CUX2: variants seen among roughly 807,000 people sequenced by gnomAD.
CUX2 encodes homeobox protein cut-like 2.
Under a neutral mutation model 144.8 loss-of-function variants are expected in CUX2, and 40 were observed. That is an observed-to-expected ratio of 0.28 (90% CI 0.21 to 0.36). The LOEUF is 0.36. Ranked by LOEUF, CUX2 falls within the 10% of genes least tolerant of loss-of-function variation. The probability of loss-of-function intolerance (pLI) is 1.00; values close to 1 mark genes in which losing one functional copy is unlikely to be tolerated. For missense variants in CUX2, 1,615 were observed against 1,994.0 expected (o/e 0.81, Z 3.62); for synonymous variants, 827 against 875.6 (o/e 0.94, Z 0.98).
At chr12:111,046,497 A>T (rs1870000615) in intron 1 of CUX2, among the ~76,000 whole-genome samples, 1 of 152,090 alleles carries the variant, frequency 6.6e-6, no homozygotes, top group Non-Finnish European at 1.5e-5. Flanking sequence ...CCCAGCCTGG[A>T]CTTGAACCCA....
Position 111,293,705 on chromosome 12 carries a change from G to A in CUX2, c.560+136G>A, listed in dbSNP as rs892817797. On this transcript the variant is annotated intron_variant, in intron 6 of 21. Coordinates refer to ENST00000261726, the MANE Select transcript of CUX2 (RefSeq NM_015267.4). This position sits in a 1 kb window ranked among gnomAD's most constrained non-coding sequence, Gnocchi z 4.5. The stretch of plus-strand genomic sequence containing the variant: ...CTGGAGACCGAGATGAGAAAGGGCC[G>A]AGGGCTTTGGACTCCAACCGGGTCT... 4.0e-5 allele frequency: 51 copies of A among 1,286,014 alleles called. 1 individual carries two copies. The East Asian group carries it at 8.0e-4, about 20-fold the overall frequency. The allele number at this position is 1,286,014 out of a possible 1,614,324, so 79.7% of individuals were successfully genotyped here.
At chr12:111,298,397 T>G in intron 8 of CUX2, 144 bp from the exon 9 acceptor site, 1 of 773,028 alleles carries the variant, frequency 1.3e-6, no homozygotes, top group Non-Finnish European at 2.0e-6. Context: ...AAGCCTAGGC[T>G]CTTTTCTCCC....
At chr12:111,082,776 GCCACAC>G (rs1871972454) in intron 1 of CUX2, among the ~76,000 whole-genome samples, 1 of 152,194 alleles carries the variant, frequency 6.6e-6, no homozygotes, top group Non-Finnish European at 1.5e-5. Flanking sequence ...GGAAGGCATG[GCCACAC>G]CCTGGGGGCC....
chr12:111,164,666 C>G (rs1878012515), intron 1 of CUX2, among the ~76,000 whole-genome samples: 1 of 152,050 alleles, frequency 6.6e-6, no homozygotes, highest in South Asian at 2.1e-4. Flanking sequence ...ATCAGCCCCC[C>G]AAGGTGTTCG....
chr12:111,139,967 A>C (rs1876190046), intron 1 of CUX2, among the ~76,000 whole-genome samples: 1 of 152,102 alleles, frequency 6.6e-6, no homozygotes, highest in Admixed American at 6.5e-5. Flanking sequence ...AGCCCCCATC[A>C]CCTGGTCTGT....
intron 1 of CUX2, among the ~76,000 whole-genome samples, chr12:111,177,769 AG>A (rs1878943272): frequency 6.6e-6 from 1 of 152,208 alleles, no homozygotes; most frequent in South Asian, 2.1e-4. Flanking sequence ...TGGTCATTGA[AG>A]GTTTCTGACC....
Position 111,320,514 on chromosome 12 carries a change from G to A in CUX2, c.2505G>A (p.Glu835=). 1 of 1,574,438 alleles carries A rather than the reference G, an allele frequency of 6.4e-7. No homozygotes were observed. The highest frequency in any genetic ancestry group is 8.6e-7 in the Non-Finnish European group (1 of 1,166,892). Reference sequence around the variant, plus strand: ...GGGACGAGGCCCCTGTGCCCCCCGAGGACGAGGCGGCGGCAGGGGCGGAGG... The same window carrying A: ...GGGACGAGGCCCCTGTGCCCCCCGAAGACGAGGCGGCGGCAGGGGCGGAGG... ...PRGDEAPVPP[E]DEAAAGAEDE... Residue 835 remains glutamate, a synonymous_variant, in exon 17 of 22, where the codon GAG becomes GAA. Coordinates refer to ENST00000261726, the MANE Select transcript of CUX2 (RefSeq NM_015267.4). The surrounding 1 kb of genome is among the most constrained non-coding windows in gnomAD (Gnocchi z 8.1).
At chr12:111,193,712 G>A (rs1880045482) in intron 1 of CUX2, among the ~76,000 whole-genome samples, 1 of 152,192 alleles carries the variant, frequency 6.6e-6, no homozygotes, top group Non-Finnish European at 1.5e-5. Context: ...GGCTGGGCCT[G>A]GGGACCTCTC....
intron 9 of CUX2, among the ~76,000 whole-genome samples, chr12:111,299,083 T>C (rs1326438079): frequency 6.6e-6 from 1 of 151,956 alleles, no homozygotes; most frequent in Non-Finnish European, 1.5e-5. Flanking sequence ...CAGCCCGGAG[T>C]CTTGAGTGCC....
At chr12:111,137,980 T>C (rs1007256185) in intron 1 of CUX2, among the ~76,000 whole-genome samples, 13 of 152,224 alleles carry the variant, frequency 8.5e-5, no homozygotes, top group Non-Finnish European at 1.6e-4. Context: ...GCAAGTGTCT[T>C]AACCTCTCTG....
intron 1 of CUX2, among the ~76,000 whole-genome samples, chr12:111,064,115 C>G (rs536863170): frequency 6.6e-6 from 1 of 152,144 alleles, no homozygotes; most frequent in Non-Finnish European, 1.5e-5. Flanking sequence ...GTTTCTTGTG[C>G]GTGTGCAAAT....
chr12:111,136,588 T>C (rs1050259322), intron 1 of CUX2, among the ~76,000 whole-genome samples: 1 of 152,210 alleles, frequency 6.6e-6, no homozygotes, highest in Non-Finnish European at 1.5e-5. Flanking sequence ...CAGCTCTTGG[T>C]TGGGCACTGT....
At chr12:111,100,140 G>T in intron 1 of CUX2, 1 of 443,278 alleles carries the variant, frequency 2.3e-6, no homozygotes, top group Non-Finnish European at 4.5e-6. Context: ...ACCCGCCGAG[G>T]GTTGAGAGGA....
intron 1 of CUX2, among the ~76,000 whole-genome samples, chr12:111,125,554 T>C (rs755502958): frequency 3.3e-5 from 5 of 152,266 alleles, no homozygotes; most frequent in Non-Finnish European, 5.9e-5. Flanking sequence ...GGTTCATCCA[T>C]GTTGGCACAT....
At chr12:111,285,886 A>G (rs1000824523) in intron 4 of CUX2, among the ~76,000 whole-genome samples, 7 of 152,226 alleles carry the variant, frequency 4.6e-5, no homozygotes, top group Non-Finnish European at 7.4e-5. Context: ...GCACAGTGTG[A>G]GAGGAAGAGG....
intron 1 of CUX2, among the ~76,000 whole-genome samples, chr12:111,046,935 G>A (rs1190306469): frequency 6.6e-6 from 1 of 152,240 alleles, no homozygotes; most frequent in Non-Finnish European, 1.5e-5. Flanking sequence ...GGGATTGCAG[G>A]CGTGAGCCAC....
chr12:111,156,997 A>AAAAAG (rs909813546), intron 1 of CUX2, among the ~76,000 whole-genome samples: 2 of 150,936 alleles, frequency 1.3e-5, no homozygotes, highest in Non-Finnish European at 2.9e-5. Flanking sequence ...AAAAAAAAAA[A>AAAAAG]AAAAAAAAAA....
intron 1 of CUX2, among the ~76,000 whole-genome samples, chr12:111,088,393 C>T (rs1041282565): frequency 3.3e-5 from 5 of 152,072 alleles, no homozygotes; most frequent in African/African-American, 7.2e-5. Flanking sequence ...CACGCCCAGC[C>T]TCTCTGTATT....
At chr12:111,342,672 G>A (rs973096632) in intron 21 of CUX2, among the ~76,000 whole-genome samples, 6 of 151,742 alleles carry the variant, frequency 4.0e-5, no homozygotes, top group Non-Finnish European at 8.8e-5. Flanking sequence ...AATACCTAGC[G>A]TGTAGGCCAG....
Sources: allele counts gnomAD v4.1 joint callset (sites outside exome capture counted in the v4.1 genomes callset), GRCh38; gene constraint gnomAD v4.1.1; non-coding constraint Gnocchi (gnomAD v3.1); transcripts MANE v1.5; gene names NCBI Gene and HGNC (gene_info 2026-07-23, HGNC 2026-07-21).